Variants in SZT2 observed in about 807,000 individuals in gnomAD.
SZT2 encodes the protein KICSTOR complex protein SZT2.
Under a neutral mutation model 404.2 loss-of-function variants are expected in SZT2, and 216 were observed. The observed-to-expected ratio is 0.53, with a 90% CI of 0.48 to 0.60. SZT2 has a LOEUF of 0.60. SZT2 is among the 20% of genes least tolerant of loss of function. SZT2 has a pLI of 0.00. For missense variants in SZT2, 3,857 were observed against 4,459.2 expected (o/e 0.86, Z 3.85); for synonymous variants, 1,693 against 1,749.9 (o/e 0.97, Z 0.81).
In SZT2 at chr1:43,390,950, C is replaced by T. The variant is rs1648227868; in HGVS notation, c.27+955C>T. Among the ~76,000 whole-genome samples the T allele has an allele frequency of 5.3e-5, 8 of 152,228 alleles. No homozygotes were observed. The South Asian group carries it at 1.7e-3, about 31-fold the overall frequency. On this transcript the variant is annotated intron_variant, in intron 1 of 71. Transcript: ENST00000634258. The stretch of plus-strand genomic sequence containing the variant: ...AAGCTCTTTACCAATATCAGTTAAT[C>T]CTCAGCCCTATGAAGTGGACACTGT...
Position 43,439,366 on chromosome 1 carries a change from C to A in SZT2, c.6801C>A (p.Leu2267=). 1 of 1,614,028 alleles carries A rather than the reference C, an allele frequency of 6.2e-7. No homozygotes were observed. Among genetic ancestry groups the A allele is most frequent in the South Asian group, 1.1e-5 (1 of 91,008 alleles). The part of the protein sequence containing the change: ...SNSRNHFQHP[L]PPQGGLPDLD... ...GGCTGTTCTTTCCCCAGCATCCACT[C>A]CCACCACAGGGTGGCCTCCCTGACT... Residue 2267 remains leucine, a synonymous_variant, in exon 49 of 72, where the codon CTC becomes CTA. Transcript: ENST00000634258. This position sits in a 1 kb window ranked among gnomAD's most constrained non-coding sequence, Gnocchi z 4.2.
In SZT2 at chr1:43,447,702, A is replaced by T. The variant is rs777725594; in HGVS notation, c.9440+4A>T. The T allele has an allele frequency of 6.2e-7, 1 of 1,613,520 alleles. No individual in the cohort carries two copies. ...CCCTGGTGTCGGCATGGCACAGGTA[A>T]GGCTGAGAGGGGCATCCAGCATGCA... On this transcript the variant is annotated splice_donor_region_variant and intron_variant, in intron 67 of 71. Transcript: ENST00000634258.
At chr1:43,447,404 A>G in intron 66 of SZT2, 141 bp from the exon 67 acceptor site, 2 of 1,221,148 alleles carry the variant, frequency 1.6e-6, no homozygotes, top group Admixed American at 2.5e-5. Flanking sequence ...AGTGTTCCAC[A>G]GGAATGCAGG....
At position 43,437,491 on chromosome 1, in the gene SZT2, G is replaced by A. The variant is rs1441686075; in HGVS notation, c.6273G>A (p.Lys2091=). The A allele has an allele frequency of 1.2e-6, 2 of 1,614,078 alleles. No homozygotes were observed. The highest frequency in any genetic ancestry group is 2.7e-5 in the African/African-American group (2 of 74,928). Residue 2091 remains lysine, a synonymous_variant, in exon 44 of 72, where the codon AAG becomes AAA. Transcript: ENST00000634258. This position sits in a 1 kb window ranked among gnomAD's most constrained non-coding sequence, Gnocchi z 5.3. The part of the protein sequence containing the change: ...NMFVYQERAT[K]AVYYLRLLET... ...TTGTTTACCAGGAGCGAGCAACAAAGGCTGTGTACTATCTTCGGTATGTGG... is the reference window on the plus strand; with the variant it reads ...TTGTTTACCAGGAGCGAGCAACAAAAGCTGTGTACTATCTTCGGTATGTGG...
In SZT2 at chr1:43,424,923, A is replaced by G; in HGVS notation, c.2550+61A>G. The G allele has an allele frequency of 6.4e-7, 1 of 1,566,280 alleles. No individual in the cohort carries two copies. Among genetic ancestry groups the G allele is most frequent in the Non-Finnish European group, 8.8e-7 (1 of 1,137,804 alleles). ...GTCTGTCATAATCCCAGGGACACTC[A>G]CCTCTGAGCTGGGTTGGGACTGCTG... On this transcript the variant is annotated intron_variant, in intron 17 of 71. Transcript: ENST00000634258. The surrounding 1 kb of genome is among the most constrained non-coding windows in gnomAD (Gnocchi z 4.1).
At position 43,416,599 on chromosome 1, in the gene SZT2, G is replaced by A. The variant is rs2153931641; in HGVS notation, c.837G>A (p.Leu279=). 6.3e-7 allele frequency: 1 copy of A among 1,598,316 alleles called. No homozygotes were observed. Among genetic ancestry groups the A allele is most frequent in the Non-Finnish European group, 8.5e-7 (1 of 1,179,764 alleles). ...ATGTTGCTGTCTGTGAGACACTGCT[G>A]AACCAGCTTCGCAGTGGCACTGTGG... ...VPDVAVCETL[L]NQLRSGTVAC... Residue 279 remains leucine, a synonymous_variant, in exon 7 of 72, where the codon CTG becomes CTA. Coordinates refer to ENST00000634258, the MANE Select transcript of SZT2 (RefSeq NM_001365999.1).
At chr1:43,432,900 C>G (rs1654063999) in intron 39 of SZT2, 89 bp from the exon 40 acceptor site, 3 of 1,590,830 alleles carry the variant, frequency 1.9e-6, no homozygotes, top group South Asian at 1.1e-5. Flanking sequence ...AGGGACTAAT[C>G]TGAAGTGCAT....
intron 63 of SZT2, 21 bp from the exon 64 acceptor site, chr1:43,446,157 GC>G (rs751774175): frequency 6.2e-7 from 1 of 1,614,006 alleles, no homozygotes; most frequent in Non-Finnish European, 8.5e-7. Context: ...CCCAAACCTT[GC>G]CCCCTTTTTT....
chr1:43,446,470 C>T, intron 65 of SZT2, 54 bp downstream of exon 65: 4 of 1,604,322 alleles, frequency 2.5e-6, no homozygotes, highest in Non-Finnish European at 3.4e-6. Context: ...CTGTGGGCAG[C>T]ATGGCTCCAT....
At position 43,453,628 on chromosome 1, in the gene SZT2, C is replaced by A; in HGVS notation, c.*3148C>A. 1 of 1,495,878 alleles carries A rather than the reference C, an allele frequency of 6.7e-7. No homozygotes were observed. The highest frequency in any genetic ancestry group is 8.9e-7 in the Non-Finnish European group (1 of 1,128,606). The allele number at this position is 1,495,878 out of a possible 1,614,324, so 92.7% of individuals were successfully genotyped here. A position where few individuals can be genotyped will look rare whatever the true frequency, so the allele number is the denominator to read the frequency against. On this transcript the variant is annotated 3_prime_UTR_variant, in exon 72 of 72. Transcript: ENST00000634258. ...GTGTTGATCAGTACAAGCCGCAGCC[C>A]CGCTTCTCGCGCGGCGCGCGCCAGC...
rs545517767 is a variant in SZT2 at position 43,442,724 on chromosome 1, A to G, written c.8152-95A>G. The G allele has an allele frequency of 3.9e-6, 6 of 1,534,846 alleles. No individual in the cohort carries two copies. The East Asian group carries it at 1.1e-4, about 29-fold the overall frequency. ...GATGGGACAGACTGAGGGCAGAGGT[A>G]GTGGGGAGGGAGAGTCTGAGAGAGG... is the stretch of plus-strand genomic sequence containing the variant. On this transcript the variant is annotated intron_variant, in intron 58 of 71. Transcript: ENST00000634258. The surrounding 1 kb of genome is among the most constrained non-coding windows in gnomAD (Gnocchi z 4.5).
intron 42 of SZT2, chr1:43,436,868 C>T: frequency 4.6e-6 from 2 of 430,962 alleles, no homozygotes; most frequent in Non-Finnish European, 8.4e-6. Flanking sequence ...ATGACAGGGT[C>T]AGAATCTCTT....
chr1:43,441,518 A>G lies in SZT2; in HGVS notation c.7526A>G (p.Gln2509Arg), dbSNP rs1439132485. The G allele has an allele frequency of 6.8e-6, 11 of 1,614,026 alleles. No individual in the cohort carries two copies. The highest frequency in any genetic ancestry group is 9.3e-6 in the Non-Finnish European group (11 of 1,179,952). The change falls in exon 54 of 72, where the codon CAG becomes CGG. Residue 2509 changes from glutamine to arginine, a missense_variant. Physicochemically the swap from Gln to Arg is conservative, Grantham distance 43. Coordinates refer to ENST00000634258, the MANE Select transcript of SZT2 (RefSeq NM_001365999.1). The surrounding 1 kb of genome is among the most constrained non-coding windows in gnomAD (Gnocchi z 4.8). ...GAQRQKRRTT[Q>R]LEEGEVGTLH... ...ACTGTCTTCAGGCGCCGGACAACAC[A>G]GCTAGAAGAGGGTGAGGTGGGGACC... is the stretch of plus-strand genomic sequence containing the variant.
intron 52 of SZT2, 24 bp downstream of exon 52, chr1:43,440,610 G>A (rs540792436): frequency 5.8e-6 from 9 of 1,545,568 alleles, no homozygotes; most frequent in Admixed American, 2.0e-5. Flanking sequence ...TGGTGAAGTG[G>A]GCATCTACCT....
In SZT2 at chr1:43,453,102, C is replaced by T. The variant is rs907572913; in HGVS notation, c.*2622C>T. The stretch of plus-strand genomic sequence containing the variant: ...GCTCCCACAGCTTCCTGGAATAGGC[C>T]TGTCCTCAAATGCATCACTGTATAT... On this transcript the variant is annotated 3_prime_UTR_variant, in exon 72 of 72. Transcript: ENST00000634258. 51 of 775,606 alleles carry T rather than the reference C, an allele frequency of 6.6e-5. No homozygotes were observed. The African/African-American group carries it at 8.2e-4, about 12-fold the overall frequency. 48.0% of individuals were successfully genotyped at this position (775,606 alleles called of 1,614,324 possible).
In SZT2 at chr1:43,442,249, C is replaced by T. The variant is rs202092827; in HGVS notation, c.7874-19C>T. On this transcript the variant is annotated intron_variant, in intron 56 of 71. Transcript: ENST00000634258. The surrounding 1 kb of genome is among the most constrained non-coding windows in gnomAD (Gnocchi z 4.5). ...GATCTGTTCCCAGGCCCCTATTGTG[C>T]CCCTCCCCCACCCTGTAGCTGCCAA... 147 of 1,608,110 alleles carry T rather than the reference C, an allele frequency of 9.1e-5. No homozygotes were observed. The African/African-American group carries it at 1.8e-3, about 20-fold the overall frequency.
intron 1 of SZT2, among the ~76,000 whole-genome samples, chr1:43,390,978 C>T (rs1291099126): frequency 6.6e-6 from 1 of 152,192 alleles, no homozygotes; most frequent in African/African-American, 2.4e-5. Context: ...GACACTGTAT[C>T]ATCTCCTTTT....
chr1:43,404,223 A>C, intron 3 of SZT2, 157 bp from the exon 4 acceptor site: 4 of 664,924 alleles, frequency 6.0e-6, no homozygotes, highest in Non-Finnish European at 1.0e-5. Flanking sequence ...TTTTGTTTCC[A>C]AAAAACACCC....
chr1:43,428,167 C>T (rs758462064), intron 27 of SZT2, 49 bp downstream of exon 27: 4 of 1,611,562 alleles, frequency 2.5e-6, no homozygotes, highest in Non-Finnish European at 3.4e-6. Flanking sequence ...GCGGGAGATA[C>T]AGGGATTACA....
Sources: gnomAD v4.1 joint callset for allele counts (sites outside exome capture counted in the v4.1 genomes callset) on GRCh38, gnomAD v4.1.1 for gene constraint, Gnocchi (gnomAD v3.1) non-coding constraint, MANE v1.5 for transcripts, NCBI Gene and HGNC (gene_info 2026-07-23, HGNC 2026-07-21) for gene names.